The following SYN3 variants were observed in gnomAD, a reference collection of about 807,000 sequenced individuals.
SYN3 encodes synapsin III, also known as synapsin-3.
In SYN3, 35 loss-of-function variants were observed where a neutral mutation model predicts 65.8. The observed-to-expected ratio is 0.53, with a 90% CI of 0.41 to 0.70. SYN3 has a LOEUF of 0.70. SYN3 is among the 30% of genes least tolerant of loss of function. SYN3 has a pLI of 0.00. For synonymous variants in SYN3, 270 were observed against 292.9 expected (o/e 0.92, Z 0.80); for missense variants, 680 against 749.0 (o/e 0.91, Z 1.08).
intron 6 of SYN3, among the ~76,000 whole-genome samples, chr22:32,842,286 T>C (rs2047932508): frequency 6.6e-6 from 1 of 152,022 alleles, no homozygotes; most frequent in African/African-American, 2.4e-5. Context: ...TTTTTGGGAG[T>C]TGGGATTGTG....
At chr22:32,876,530 AGAGT>A (rs2048986776) in intron 4 of SYN3, among the ~76,000 whole-genome samples, 1 of 152,136 alleles carries the variant, frequency 6.6e-6, no homozygotes, top group African/African-American at 2.4e-5. Flanking sequence ...CTGGCCTTAA[AGAGT>A]GAGATGGGAA....
intron 6 of SYN3, among the ~76,000 whole-genome samples, chr22:32,827,976 T>G (rs1006283168): frequency 1.3e-5 from 2 of 152,166 alleles, no homozygotes; most frequent in Non-Finnish European, 2.9e-5. Flanking sequence ...CCTACCAGCC[T>G]CCTTGTCTAT....
intron 6 of SYN3, among the ~76,000 whole-genome samples, chr22:32,727,957 C>A (rs1276613354): frequency 6.6e-6 from 1 of 152,180 alleles, no homozygotes; most frequent in African/African-American, 2.4e-5. Flanking sequence ...ACCATCCGAT[C>A]TTTGATAAAC....
intron 4 of SYN3, among the ~76,000 whole-genome samples, chr22:32,879,559 T>C (rs889805515): frequency 6.6e-6 from 1 of 152,172 alleles, no homozygotes; most frequent in African/African-American, 2.4e-5. Flanking sequence ...CTCTTACTTA[T>C]AAGGGCATTA....
chr22:32,994,575 C>A, intron 2 of SYN3, among the ~76,000 whole-genome samples: 1 of 152,166 alleles, frequency 6.6e-6, no homozygotes, highest in East Asian at 1.9e-4. Context: ...TGGAGAGAGG[C>A]ACAAGGATTT....
At chr22:32,691,730 G>A (rs1020298316) in intron 6 of SYN3, among the ~76,000 whole-genome samples, 15 of 151,990 alleles carry the variant, frequency 9.9e-5, no homozygotes, top group Admixed American at 3.9e-4. Context: ...GGGTGGTGGC[G>A]GGGAGAGAAA....
chr22:32,831,964 C>T (rs954094186), intron 6 of SYN3, among the ~76,000 whole-genome samples: 1 of 152,164 alleles, frequency 6.6e-6, no homozygotes, highest in African/African-American at 2.4e-5. Context: ...GCAGGCAGGG[C>T]AGGCGTGGCA....
chr22:32,966,059 T>C (rs1205247584), intron 3 of SYN3, among the ~76,000 whole-genome samples: 1 of 152,172 alleles, frequency 6.6e-6, no homozygotes, highest in East Asian at 1.9e-4. Flanking sequence ...TCAATGAATA[T>C]TTGTGGAATG....
chr22:32,571,848 C>T (rs574927983), intron 7 of SYN3, among the ~76,000 whole-genome samples: 1 of 152,050 alleles, frequency 6.6e-6, no homozygotes, highest in Non-Finnish European at 1.5e-5. Context: ...ATCCTCAGTG[C>T]CCAGAACACT....
chr22:32,775,023 G>T (rs1251411921), intron 6 of SYN3, among the ~76,000 whole-genome samples: 1 of 152,170 alleles, frequency 6.6e-6, no homozygotes, highest in Non-Finnish European at 1.5e-5. Flanking sequence ...ATCTGTCTCA[G>T]CCTGCTTGGA....
At chr22:32,822,940 C>CAG (rs1003652687) in intron 6 of SYN3, among the ~76,000 whole-genome samples, 4 of 115,322 alleles carry the variant, frequency 3.5e-5, no homozygotes, top group East Asian at 2.1e-4. Context: ...AAAAAAAAAA[C>CAG]AGAGAGAGAG....
intron 4 of SYN3, among the ~76,000 whole-genome samples, chr22:32,915,207 C>T (rs2050156725): frequency 6.6e-6 from 1 of 152,108 alleles, no homozygotes; most frequent in African/African-American, 2.4e-5. Context: ...ACCACCATGG[C>T]ACATGTATAC....
intron 1 of SYN3, among the ~76,000 whole-genome samples, chr22:33,008,924 CAAAAAAAAAAAAAAAAAAAAAAAAAAAAA>C (rs201719238): frequency 1.8e-5 from 1 of 57,066 alleles, no homozygotes; most frequent in Non-Finnish European, 3.2e-5. Flanking sequence ...GACTTTATCT[CAAAAAAAAAAAAAAAAAAAAAAAAAAAAA>C]AAAAAAAAAA....
At chr22:32,555,478 C>T (rs560626575) in intron 7 of SYN3, among the ~76,000 whole-genome samples, 1 of 152,312 alleles carries the variant, frequency 6.6e-6, no homozygotes, top group Admixed American at 6.5e-5. Flanking sequence ...CAGCAAGCCT[C>T]CATAGAAGTC....
chr22:32,825,152 G>C (rs1476973724), intron 6 of SYN3, among the ~76,000 whole-genome samples: 1 of 152,110 alleles, frequency 6.6e-6, no homozygotes, highest in Non-Finnish European at 1.5e-5. Context: ...GGGAGGACTT[G>C]GGGGAGGGAT....
At chr22:32,931,570 AGT>A in intron 3 of SYN3, 89 bp from the exon 4 acceptor site, 1 of 863,230 alleles carries the variant, frequency 1.2e-6, no homozygotes. Flanking sequence ...AGAGGTACAA[AGT>A]ACACCTTTAA....
intron 1 of SYN3, chr22:33,015,416 C>T: frequency 2.9e-6 from 1 of 348,364 alleles, no homozygotes; most frequent in Non-Finnish European, 5.7e-6. Context: ...TTAGGAAATA[C>T]AAAGCTATGA....
chr22:32,744,127 C>T (rs2044856920), intron 6 of SYN3, among the ~76,000 whole-genome samples: 1 of 152,130 alleles, frequency 6.6e-6, no homozygotes, highest in African/African-American at 2.4e-5. Context: ...TCAGTGCCCT[C>T]AGGAGTTAAG....
At chr22:32,517,898 C>T (rs2057804866) in intron 13 of SYN3, 145 bp downstream of exon 13, 1 of 885,864 alleles carries the variant, frequency 1.1e-6, no homozygotes. Context: ...AAATTCTGTC[C>T]TCTAGTCCTG....
Sources: gnomAD v4.1 joint callset for allele counts (sites outside exome capture counted in the v4.1 genomes callset) on GRCh38, gnomAD v4.1.1 for gene constraint, MANE v1.5 for transcripts, NCBI Gene and HGNC (gene_info 2026-07-23, HGNC 2026-07-21) for gene names.